Variants in KNTC1 observed in about 807,000 individuals in gnomAD.
KNTC1 encodes the protein kinetochore-associated protein 1.
Under a neutral mutation model 314.4 loss-of-function variants are expected in KNTC1, and 253 were observed. That is an observed-to-expected ratio of 0.80 (90% CI 0.73 to 0.89). The LOEUF (loss-of-function observed/expected upper bound fraction) is 0.89, where lower values mean the gene tolerates loss of function less well. KNTC1 is among the 40% of genes least tolerant of loss of function. The pLI, the probability that KNTC1 is intolerant of heterozygous loss-of-function variation, is 0.00. For missense variants in KNTC1, 2,475 were observed against 2,572.9 expected (o/e 0.96, Z 0.82); for synonymous variants, 901 against 901.4 (o/e 1.00, Z 0.01).
intron 63 of KNTC1, among the ~76,000 whole-genome samples, chr12:122,625,153 C>A (rs1168143227): frequency 6.6e-6 from 1 of 152,066 alleles, no homozygotes; most frequent in African/African-American, 2.4e-5. Flanking sequence ...ACCTGTAATC[C>A]CAGCACTTTG....
chr12:122,588,555 C>T (rs1435174572), intron 39 of KNTC1, among the ~76,000 whole-genome samples, 157 bp from the exon 40 acceptor site: 2 of 152,118 alleles, frequency 1.3e-5, no homozygotes, highest in African/African-American at 4.8e-5. Context: ...TTGCTCCCTC[C>T]CAGTCAGTCC....
intron 1 of KNTC1, among the ~76,000 whole-genome samples, chr12:122,529,151 A>G (rs757619202): frequency 2.0e-5 from 3 of 152,098 alleles, no homozygotes; most frequent in Non-Finnish European, 4.4e-5. Flanking sequence ...CCTGGTCTGT[A>G]TATTCCTATT....
intron 24 of KNTC1, among the ~76,000 whole-genome samples, chr12:122,571,741 C>CG (rs1399082046): frequency 2.6e-5 from 4 of 151,948 alleles, no homozygotes; most frequent in Non-Finnish European, 5.9e-5. Context: ...GCGATCTCAG[C>CG]TCACTGCAAC....
intron 53 of KNTC1, among the ~76,000 whole-genome samples, chr12:122,612,041 TTCA>T (rs1873184578): frequency 6.6e-6 from 1 of 151,992 alleles, no homozygotes; most frequent in Non-Finnish European, 1.5e-5. Flanking sequence ...TTTTTACTAC[TTCA>T]TCAAGAACAT....
chr12:122,564,198 G>A (rs937863005), intron 20 of KNTC1, among the ~76,000 whole-genome samples: 6 of 152,052 alleles, frequency 3.9e-5, no homozygotes, highest in African/African-American at 1.2e-4. Flanking sequence ...GGCTGGTCTC[G>A]AACTCTGACC....
intron 4 of KNTC1, among the ~76,000 whole-genome samples, chr12:122,538,933 GTT>G (rs1488195252): frequency 6.6e-6 from 1 of 152,196 alleles, no homozygotes; most frequent in East Asian, 1.9e-4. Flanking sequence ...TCATAATTAG[GTT>G]AAAATTAGGA....
intron 16 of KNTC1, among the ~76,000 whole-genome samples, chr12:122,554,074 A>ATATATATATATATATAT (rs71445282): frequency 2.4e-4 from 17 of 70,680 alleles, no homozygotes; most frequent in African/African-American, 8.9e-4. Context: ...TAAAAAAAAA[A>ATATATATATATATATAT]AAATATATAT....
intron 20 of KNTC1, chr12:122,563,687 T>C: frequency 9.8e-7 from 1 of 1,022,022 alleles, no homozygotes; most frequent in Admixed American, 3.5e-5. Context: ...TATTGAGTAA[T>C]AGCCATAAAA....
intron 44 of KNTC1, among the ~76,000 whole-genome samples, chr12:122,599,764 C>T (rs1871578068): frequency 6.6e-6 from 1 of 152,154 alleles, no homozygotes; most frequent in Non-Finnish European, 1.5e-5. Context: ...TTTCATCTTC[C>T]CACTTTGTTC....
intron 62 of KNTC1, among the ~76,000 whole-genome samples, chr12:122,623,565 A>C (rs1332344282): frequency 6.6e-6 from 1 of 152,208 alleles, no homozygotes; most frequent in Non-Finnish European, 1.5e-5. Context: ...AGCTGGACAT[A>C]CTTGAAGTCT....
Position 122,626,309 on chromosome 12 carries a change from T to G in KNTC1, c.*81T>G. ...ACCATATTTATTACAGTTTTTAAAT[T>G]GTACAATCTCTGTATTATAGCTATT... is the stretch of plus-strand genomic sequence containing the variant. On this transcript the variant is annotated 3_prime_UTR_variant, in exon 64 of 64. Transcript: ENST00000333479. 1 of 956,300 alleles carries G rather than the reference T, an allele frequency of 1.0e-6. No individual in the cohort carries two copies. The allele number at this position is 956,300 out of a possible 1,614,324, so 59.2% of individuals were successfully genotyped here. A position where few individuals can be genotyped will look rare whatever the true frequency, so the allele number is the denominator to read the frequency against.
intron 1 of KNTC1, 61 bp from the exon 2 acceptor site, chr12:122,529,930 T>C (rs932859294): frequency 4.4e-6 from 4 of 910,466 alleles, no homozygotes; most frequent in Non-Finnish European, 4.8e-6. Flanking sequence ...TGTTAGACTT[T>C]TGTTTTTGTT....
rs1158341871 is a variant in KNTC1, at chr12:122,622,001, T to C, written c.6369+31T>C. 8.4e-6 allele frequency: 12 copies of C among 1,433,222 alleles called. No homozygotes were observed. In the African/African-American group the frequency reaches 1.5e-4, roughly 18 times the overall value. 88.8% of individuals were successfully genotyped at this position (1,433,222 alleles called of 1,614,324 possible). On this transcript the variant is annotated intron_variant, in intron 61 of 63. Transcript: ENST00000333479. Reference sequence around the variant, plus strand: ...AGGCGATTTCATCTCCTTTTTGCTATGAAAATGTTGATACTAGAAGGTAGT... The same window carrying C: ...AGGCGATTTCATCTCCTTTTTGCTACGAAAATGTTGATACTAGAAGGTAGT...
chr12:122,604,605 G>C lies in KNTC1; in HGVS notation c.5143G>C (p.Ala1715Pro). ...ISALKFCLYL[A>P]ERWLQNIPSQ... Reference sequence around the variant, plus strand: ...TGCTTTGAAATTCTGCCTTTATTTAGCTGAGAGATGGCTACAGAATATCCC... The same window carrying C: ...TGCTTTGAAATTCTGCCTTTATTTACCTGAGAGATGGCTACAGAATATCCC... Residue 1715 changes from alanine to proline, a missense_variant, in exon 49 of 64, where the codon GCT becomes CCT. By Grantham distance (27) the Ala-to-Pro change is conservative. Coordinates refer to ENST00000333479, the MANE Select transcript of KNTC1 (RefSeq NM_014708.6). The C allele has an allele frequency of 1.9e-6, 3 of 1,594,898 alleles. No homozygotes were observed. The highest frequency in any genetic ancestry group is 2.6e-6 in the Non-Finnish European group (3 of 1,163,852).
At chr12:122,542,704 C>T (rs940346983) in intron 6 of KNTC1, among the ~76,000 whole-genome samples, 11 of 151,714 alleles carry the variant, frequency 7.3e-5, no homozygotes, top group South Asian at 2.1e-4. Flanking sequence ...GGCAGAGGTG[C>T]GGTGAGCTGA....
At position 122,571,132 on chromosome 12, in the gene KNTC1, A is replaced by T. The variant is rs1287274715; in HGVS notation, c.2019+6A>T. The T allele has an allele frequency of 6.3e-7, 1 of 1,599,058 alleles. No homozygotes were observed. The highest frequency in any genetic ancestry group is 8.6e-7 in the Non-Finnish European group (1 of 1,166,698). On this transcript the variant is annotated splice_donor_region_variant and intron_variant, in intron 24 of 63. Transcript: ENST00000333479. ...CCTGGCATTGGATTTCCTTGGTATG[A>T]TGTGAGAATGGATTTTTAGTAATGA...
intron 52 of KNTC1, among the ~76,000 whole-genome samples, chr12:122,610,451 G>A (rs1872998633): frequency 6.6e-6 from 1 of 152,152 alleles, no homozygotes; most frequent in Non-Finnish European, 1.5e-5. Flanking sequence ...AGGTTGAAAT[G>A]GGCTGCTAAC....
At chr12:122,554,120 G>A (rs1290480465) in intron 16 of KNTC1, among the ~76,000 whole-genome samples, 3 of 141,814 alleles carry the variant, frequency 2.1e-5, no homozygotes, top group Admixed American at 1.4e-4. Context: ...TTGTAGAGGC[G>A]GGGTTTCACC....
At chr12:122,574,001 C>A (rs149511110) in intron 26 of KNTC1, among the ~76,000 whole-genome samples, 17 of 152,200 alleles carry the variant, frequency 1.1e-4, no homozygotes, top group African/African-American at 4.1e-4. Context: ...GCAGTTATTT[C>A]TTGTGGATGT....
Sources: allele counts gnomAD v4.1 joint callset (sites outside exome capture counted in the v4.1 genomes callset), GRCh38; gene constraint gnomAD v4.1.1; transcripts MANE v1.5; gene names NCBI Gene and HGNC (gene_info 2026-07-23, HGNC 2026-07-21).